SLC45A2: variants seen among roughly 807,000 people sequenced by gnomAD.
SLC45A2 encodes the protein solute carrier family 45 member 2, also known as membrane-associated transporter protein.
SLC45A2 carries 36 observed loss-of-function variants against 45.5 expected under a neutral mutation model. That is an observed-to-expected ratio of 0.79 (90% confidence interval 0.61 to 1.04). The LOEUF is 1.04. Ranked by LOEUF, SLC45A2 falls within the 50% of genes least tolerant of loss-of-function variation. The probability of loss-of-function intolerance (pLI) is 0.00; values close to 1 mark genes in which losing one functional copy is unlikely to be tolerated. For missense variants in SLC45A2, 719 were observed against 671.0 expected (o/e 1.07, Z -0.79); for synonymous variants, 306 against 269.3 (o/e 1.14, Z -1.33).
intron 2 of SLC45A2, among the ~76,000 whole-genome samples, chr5:33,974,388 T>G (rs1177716127): frequency 6.6e-6 from 1 of 151,756 alleles, no homozygotes; most frequent in Non-Finnish European, 1.5e-5. Context: ...ATTTTGGTAA[T>G]GAACCCTTGG....
rs372015410 is a variant in SLC45A2 at position 33,955,658 on chromosome 5, A to AACAC, written c.889-1158_889-1155dup. 1.2e-3 allele frequency among the ~76,000 whole-genome samples: 183 copies of AACAC among 149,980 alleles called. 1 individual carries two copies. Among genetic ancestry groups the AACAC allele is most frequent in the African/African-American group, 4.2e-3 (172 of 41,020 alleles). Reference sequence around the variant, plus strand: ...ATATGTTTATACACACACACACACAAACACACACACACACACACGGTCTTC... The same window carrying AACAC: ...ATATGTTTATACACACACACACACAAACACACACACACACACACACACGGTCTTC... On this transcript the variant is annotated intron_variant, in intron 3 of 6. Transcript: ENST00000296589.
intron 2 of SLC45A2, among the ~76,000 whole-genome samples, chr5:33,967,201 G>A (rs1266041961): frequency 2.0e-5 from 3 of 152,222 alleles, no homozygotes; most frequent in African/African-American, 7.2e-5. Flanking sequence ...TAGGCCCAGT[G>A]ATTAGAACTA....
chr5:33,982,374 T>TG lies in SLC45A2; in HGVS notation c.423dup (p.Ile142HisfsTer12). 1 of 1,614,168 alleles carries TG rather than the reference T, an allele frequency of 6.2e-7. No individual in the cohort carries two copies. Among genetic ancestry groups the TG allele is most frequent in the Non-Finnish European group, 8.5e-7 (1 of 1,180,032 alleles). On this transcript the variant is annotated frameshift_variant, in exon 2 of 7. Transcript: ENST00000296589. LOFTEE classifies it high-confidence loss of function. ...ACGACACCTATCATGGTGACACTTA[T>TG]GGCCCAAACCAGCTTCCTCCTTGGG...
intron 1 of SLC45A2, among the ~76,000 whole-genome samples, chr5:33,983,668 C>T (rs77084310): frequency 9.9e-4 from 151 of 152,330 alleles, no homozygotes; most frequent in Middle Eastern, 3.4e-3. Flanking sequence ...AAAATGCCTA[C>T]CCTCAGGTTT....
chr5:33,946,043 C>T (rs1009232495), intron 6 of SLC45A2: 14 of 985,390 alleles, frequency 1.4e-5, no homozygotes, highest in East Asian at 2.3e-4. Context: ...ATTCTAAGTG[C>T]TAACTAATAA....
At chr5:33,960,950 T>G (rs910196399) in intron 3 of SLC45A2, among the ~76,000 whole-genome samples, 5 of 152,184 alleles carry the variant, frequency 3.3e-5, no homozygotes, top group African/African-American at 1.2e-4. Flanking sequence ...ATCTGCAACT[T>G]TTTTGTAAAT....
chr5:33,975,871 G>C (rs1446411093), intron 2 of SLC45A2, among the ~76,000 whole-genome samples: 4 of 152,058 alleles, frequency 2.6e-5, no homozygotes, highest in Admixed American at 1.3e-4. Flanking sequence ...GTGAATGTAG[G>C]CTCTTTCCCC....
intron 2 of SLC45A2, among the ~76,000 whole-genome samples, chr5:33,979,639 T>C (rs889370957): frequency 2.0e-5 from 3 of 152,196 alleles, no homozygotes; most frequent in Non-Finnish European, 4.4e-5. Context: ...GCCTGCTATG[T>C]TATCATGTTA....
intron 2 of SLC45A2, among the ~76,000 whole-genome samples, chr5:33,976,277 A>C (rs1752927269): frequency 6.6e-6 from 1 of 152,210 alleles, no homozygotes; most frequent in African/African-American, 2.4e-5. Flanking sequence ...AAAGATCATT[A>C]AAGTGCATAT....
At chr5:33,979,483 C>T (rs780430352) in intron 2 of SLC45A2, among the ~76,000 whole-genome samples, 1 of 152,108 alleles carries the variant, frequency 6.6e-6, no homozygotes, top group Non-Finnish European at 1.5e-5. Flanking sequence ...TTAGTTAATT[C>T]TATCCTAAAT....
At chr5:33,946,794 G>A (rs1751942340) in intron 6 of SLC45A2, 3 of 1,173,756 alleles carry the variant, frequency 2.6e-6, no homozygotes, top group Non-Finnish European at 3.2e-6. Flanking sequence ...TGCTGCAGGT[G>A]GCACCAGGGA....
chr5:33,979,336 G>T (rs1324377413), intron 2 of SLC45A2, among the ~76,000 whole-genome samples: 4 of 152,244 alleles, frequency 2.6e-5, no homozygotes, highest in Non-Finnish European at 4.4e-5. Context: ...GGAAGCAATA[G>T]AAGAGAGCGT....
intron 6 of SLC45A2, chr5:33,946,253 G>A (rs1361619532): frequency 2.0e-6 from 2 of 985,446 alleles, no homozygotes; most frequent in East Asian, 2.3e-4. Flanking sequence ...CAGGGGATGA[G>A]GAAAGCCACA....
intron 2 of SLC45A2, among the ~76,000 whole-genome samples, chr5:33,976,700 T>C (rs753839206): frequency 1.4e-4 from 21 of 152,316 alleles, no homozygotes; most frequent in African/African-American, 4.8e-4. Flanking sequence ...AACAGCTAGA[T>C]TGGAACACAA....
intron 2 of SLC45A2, among the ~76,000 whole-genome samples, chr5:33,966,052 T>G (rs1340388529): frequency 6.6e-6 from 1 of 152,268 alleles, no homozygotes; most frequent in Non-Finnish European, 1.5e-5. Context: ...TGAGCATTAC[T>G]CATTGCCTCA....
chr5:33,950,501 C>T (rs1308066340), intron 5 of SLC45A2, among the ~76,000 whole-genome samples: 9 of 152,240 alleles, frequency 5.9e-5, no homozygotes, highest in Non-Finnish European at 2.9e-5. Context: ...TATATGAGGT[C>T]CCATTTTCCC....
At position 33,951,721 on chromosome 5, in the gene SLC45A2, G is replaced by T. The variant is rs35398; in HGVS notation, c.1033-44C>A. Reference sequence around the variant, plus strand: ...GCTGTTGAGGTACAAATGCAATGTAGTAAGAACCCTTCTCATGCACTCTGC... The same window carrying T: ...GCTGTTGAGGTACAAATGCAATGTATTAAGAACCCTTCTCATGCACTCTGC... On this transcript the variant is annotated intron_variant, in intron 4 of 6. Coordinates refer to ENST00000296589, the MANE Select transcript of SLC45A2 (RefSeq NM_016180.5). 0.05 allele frequency: 81,373 copies of T among 1,613,352 alleles called. 10,052 individuals are homozygous for T. The highest frequency in any genetic ancestry group is 0.4 in the East Asian group (17,868 of 44,846).
chr5:33,963,663 T>A, intron 3 of SLC45A2, 28 bp downstream of exon 3: 1 of 1,609,280 alleles, frequency 6.2e-7, no homozygotes, highest in Non-Finnish European at 8.5e-7. Flanking sequence ...ATATTTTCCC[T>A]TGTAAAGAAA....
Position 33,947,409 on chromosome 5 carries a change from C to A in SLC45A2, c.1157-35G>T, listed in dbSNP as rs767783035. 4 of 1,556,460 alleles carry A rather than the reference C, an allele frequency of 2.6e-6. No individual in the cohort carries two copies. The South Asian group carries it at 4.4e-5, about 17-fold the overall frequency. On this transcript the variant is annotated intron_variant, in intron 5 of 6. Coordinates refer to ENST00000296589, the MANE Select transcript of SLC45A2 (RefSeq NM_016180.5). Reference sequence around the variant, plus strand: ...GAAGAGAGGGAGAAATTACAGCTGGCAGTGCCTCATAACATTTAATAATTT... The same window carrying A: ...GAAGAGAGGGAGAAATTACAGCTGGAAGTGCCTCATAACATTTAATAATTT...
Sources: allele counts gnomAD v4.1 joint callset (sites outside exome capture counted in the v4.1 genomes callset), GRCh38; gene constraint gnomAD v4.1.1; transcripts MANE v1.5; gene names NCBI Gene and HGNC (gene_info 2026-07-23, HGNC 2026-07-21).